SLC9C1: variants seen among roughly 807,000 people sequenced by gnomAD.
The protein encoded by SLC9C1 is solute carrier family 9 member C1.
In SLC9C1, 97 loss-of-function variants were observed where a neutral mutation model predicts 140.9. The observed-to-expected ratio is 0.69, with a 90% CI of 0.58 to 0.82. The LOEUF is 0.82. SLC9C1 is among the 40% of genes least tolerant of loss of function. SLC9C1 has a pLI of 0.00. For synonymous variants in SLC9C1, 440 were observed against 442.6 expected, an observed-to-expected ratio of 0.99 and a Z score of 0.07; for missense variants, 1,340 against 1,389.3, an observed-to-expected ratio of 0.96 and a Z score of 0.56.
Position 112,164,698 on chromosome 3 carries a change from C to T in SLC9C1, c.3364+2523G>A, listed in dbSNP as rs138233312. On this transcript the variant is annotated intron_variant, in intron 26 of 28. Transcript: ENST00000305815. Reference sequence around the variant, plus strand: ...TAACCTGACCTTTCTCTCTGACTGTCGTTAACTTTTTTTCCTTCATTTCAA... The same window carrying T: ...TAACCTGACCTTTCTCTCTGACTGTTGTTAACTTTTTTTCCTTCATTTCAA... Among the ~76,000 whole-genome samples the T allele has an allele frequency of 7.7e-3, 1,175 of 151,788 alleles. 8 individuals are homozygous for T. Among genetic ancestry groups the T allele is most frequent in the Middle Eastern group, 0.051 (15 of 294 alleles).
At chr3:112,271,718 C>T (rs1343270009) in intron 6 of SLC9C1, among the ~76,000 whole-genome samples, 11 of 152,040 alleles carry the variant, frequency 7.2e-5, no homozygotes, top group South Asian at 2.1e-4. Context: ...GGAAGTGATA[C>T]TCTAGATCTA....
intron 17 of SLC9C1, among the ~76,000 whole-genome samples, chr3:112,202,903 A>G (rs1229212502): frequency 3.9e-5 from 6 of 151,922 alleles, no homozygotes; most frequent in Non-Finnish European, 7.4e-5. Context: ...ATCAGCTACC[A>G]TTGTGCAGTC....
intron 12 of SLC9C1, among the ~76,000 whole-genome samples, chr3:112,238,197 T>A (rs1340716304): frequency 6.6e-6 from 1 of 152,200 alleles, no homozygotes; most frequent in Non-Finnish European, 1.5e-5. Flanking sequence ...CTCACTTCAT[T>A]TCATTCATTT....
intron 10 of SLC9C1, among the ~76,000 whole-genome samples, chr3:112,260,953 C>T (rs1256170278): frequency 6.6e-6 from 1 of 152,026 alleles, no homozygotes; most frequent in Non-Finnish European, 1.5e-5. Flanking sequence ...CTCCATGATA[C>T]CCTGCCTCCC....
intron 26 of SLC9C1, among the ~76,000 whole-genome samples, chr3:112,160,913 A>G (rs1438786816): frequency 6.6e-6 from 1 of 152,170 alleles, no homozygotes; most frequent in Non-Finnish European, 1.5e-5. Context: ...CTATTTCTCC[A>G]CATCCTCCCC....
At chr3:112,239,532 G>T (rs1216689911) in intron 12 of SLC9C1, among the ~76,000 whole-genome samples, 1 of 152,184 alleles carries the variant, frequency 6.6e-6, no homozygotes, top group Admixed American at 6.5e-5. Flanking sequence ...GAAATCACCC[G>T]TCTTCTGCAT....
Position 112,286,725 on chromosome 3 carries a change from A to T in SLC9C1, c.67T>A (p.Ser23Thr). 1 of 1,613,020 alleles carries T rather than the reference A, an allele frequency of 6.2e-7. No homozygotes were observed. The highest frequency in any genetic ancestry group is 8.5e-7 in the Non-Finnish European group (1 of 1,179,556). ...EDLPEVILTL[S>T]LISSIGAFLN... Reference sequence around the variant, plus strand: ...TTACCTCCAATGGAGCTGATCAAAGACAATGTTAGAATGACTTCAGGGAGG... The same window carrying T: ...TTACCTCCAATGGAGCTGATCAAAGTCAATGTTAGAATGACTTCAGGGAGG... Residue 23 changes from serine (S) to threonine (T), a missense_variant, in exon 2 of 29, where the codon TCT (serine) becomes ACT (threonine). By Grantham distance (58) the Ser-to-Thr change is moderately conservative (BLOSUM62 1). Transcript: ENST00000305815.
chr3:112,245,321 T>C (rs928359512), intron 10 of SLC9C1, among the ~76,000 whole-genome samples: 14 of 152,190 alleles, frequency 9.2e-5, no homozygotes, highest in African/African-American at 3.4e-4. Flanking sequence ...AAAATTGGGT[T>C]ACCATTGTAT....
chr3:112,253,396 C>T (rs1420156519), intron 10 of SLC9C1, among the ~76,000 whole-genome samples: 1 of 152,128 alleles, frequency 6.6e-6, no homozygotes, highest in Non-Finnish European at 1.5e-5. Flanking sequence ...GAGAGCATGG[C>T]TGCAACTGTA....
intron 14 of SLC9C1, among the ~76,000 whole-genome samples, chr3:112,219,610 G>T (rs1485785268): frequency 3.3e-5 from 5 of 152,058 alleles, no homozygotes; most frequent in Non-Finnish European, 7.4e-5. Flanking sequence ...ACAGAGCCTT[G>T]CTCTGTCCCC....
intron 15 of SLC9C1, among the ~76,000 whole-genome samples, chr3:112,210,382 A>G (rs1436436670): frequency 6.6e-6 from 1 of 152,240 alleles, no homozygotes; most frequent in Admixed American, 6.5e-5. Context: ...CCCTTATGCT[A>G]CTAACACATT....
chr3:112,273,903 G>A (rs2080144323), intron 6 of SLC9C1, among the ~76,000 whole-genome samples: 1 of 152,112 alleles, frequency 6.6e-6, no homozygotes, highest in Admixed American at 6.6e-5. Flanking sequence ...CACAGGAATG[G>A]GGGCAGTGGT....
At chr3:112,177,005 C>CTCTCT (rs763150736) in intron 23 of SLC9C1, among the ~76,000 whole-genome samples, 1 of 104,722 alleles carries the variant, frequency 9.5e-6, no homozygotes, top group Admixed American at 1.0e-4. Context: ...CTCTCTCTCT[C>CTCTCT]TTTTTTTTTT....
At chr3:112,226,159 A>G (rs2108147027) in intron 13 of SLC9C1, among the ~76,000 whole-genome samples, 1 of 152,252 alleles carries the variant, frequency 6.6e-6, no homozygotes, top group East Asian at 1.9e-4. Context: ...CAAGCCCCCC[A>G]AATTTTTAAA....
chr3:112,223,590 T>C (rs2078600810), intron 13 of SLC9C1, among the ~76,000 whole-genome samples: 1 of 151,252 alleles, frequency 6.6e-6, no homozygotes, highest in South Asian at 2.1e-4. Flanking sequence ...GAATGATATA[T>C]CTCAATACAA....
intron 13 of SLC9C1, among the ~76,000 whole-genome samples, chr3:112,228,757 C>A (rs1354420927): frequency 2.0e-5 from 3 of 151,980 alleles, no homozygotes; most frequent in Non-Finnish European, 2.9e-5. Context: ...CTCAAAGACA[C>A]AAACGGTCAA....
At chr3:112,202,458 T>C in intron 17 of SLC9C1, 59 bp from the exon 18 acceptor site, 2 of 1,476,660 alleles carry the variant, frequency 1.4e-6, no homozygotes, top group Non-Finnish European at 1.8e-6. Context: ...TATGATATGT[T>C]GATTAGTTTA....
chr3:112,275,372 A>G (rs1263140683), intron 5 of SLC9C1, among the ~76,000 whole-genome samples: 1 of 152,198 alleles, frequency 6.6e-6, no homozygotes, highest in East Asian at 1.9e-4. Flanking sequence ...GTAAATTTAC[A>G]AACCAAAGCT....
Position 112,180,604 on chromosome 3 carries a change from T to G in SLC9C1, c.2708A>C (p.Glu903Ala). 1.2e-6 allele frequency: 2 copies of G among 1,613,530 alleles called. No homozygotes were observed. Among genetic ancestry groups the G allele is most frequent in the Non-Finnish European group, 1.7e-6 (2 of 1,179,834 alleles). Reference sequence around the variant, plus strand: ...AATAATGATATAGATTCCTTTGGGCTCATCACCTTCTTCAAATATATCATT... The same window carrying G: ...AATAATGATATAGATTCCTTTGGGCGCATCACCTTCTTCAAATATATCATT... ...CGNDIFEEGD[E>A]PKGIYIIISG... Residue 903 changes from glutamate to alanine, a missense_variant, in exon 22 of 29, where the codon GAG (glutamate) becomes GCG (alanine). Transcript: ENST00000305815.
Sources: gnomAD v4.1 joint callset for allele counts (sites outside exome capture counted in the v4.1 genomes callset) on GRCh38, gnomAD v4.1.1 for gene constraint, MANE v1.5 for transcripts, NCBI Gene and HGNC (gene_info 2026-07-23, HGNC 2026-07-21) for gene names.